Variants in SANBR observed in about 807,000 individuals in gnomAD.
The protein encoded by SANBR is SANT and BTB domain regulator of class switch recombination.
Under a neutral mutation model 101.8 loss-of-function variants are expected in SANBR, and 77 were observed. That is an observed-to-expected ratio of 0.76 (90% CI 0.63 to 0.91). The LOEUF is 0.91. SANBR is among the 40% of genes least tolerant of loss of function. The probability of loss-of-function intolerance (pLI) is 0.00; values close to 1 mark genes in which losing one functional copy is unlikely to be tolerated. For missense variants in SANBR, 875 were observed against 853.0 expected (o/e 1.03, Z -0.32); for synonymous variants, 279 against 274.7 (o/e 1.02, Z -0.15).
chr2:61,109,407 C>A, intron 16 of SANBR, 111 bp downstream of exon 16: 4 of 513,326 alleles, frequency 7.8e-6, no homozygotes, highest in South Asian at 5.7e-5. Flanking sequence ...TAGGTTGCAA[C>A]ATAGAAAAAA....
At chr2:61,110,341 C>T (rs552976259) in intron 16 of SANBR, among the ~76,000 whole-genome samples, 1 of 152,096 alleles carries the variant, frequency 6.6e-6, no homozygotes, top group African/African-American at 2.4e-5. Flanking sequence ...GTCAGGAGTT[C>T]GAGAGCAGCC....
At chr2:61,113,764 G>A (rs1276749904) in intron 16 of SANBR, among the ~76,000 whole-genome samples, 3 of 152,084 alleles carry the variant, frequency 2.0e-5, no homozygotes, top group Non-Finnish European at 2.9e-5. Flanking sequence ...CTTTTGTGCT[G>A]GTTAGGACCT....
At chr2:61,068,315 AC>A (rs1244400198) in intron 1 of SANBR, among the ~76,000 whole-genome samples, 1 of 152,216 alleles carries the variant, frequency 6.6e-6, no homozygotes, top group African/African-American at 2.4e-5. Flanking sequence ...TCTTTAAAAA[AC>A]AATGAAGTTC....
chr2:61,117,163 AC>A (rs1486284681), intron 17 of SANBR, 193 bp from the exon 18 acceptor site: 1 of 578,286 alleles, frequency 1.7e-6, no homozygotes, highest in Non-Finnish European at 3.1e-6. Flanking sequence ...ACTTCTCTGA[AC>A]CTGTTTTATT....
intron 2 of SANBR, among the ~76,000 whole-genome samples, 189 bp from the exon 3 acceptor site, chr2:61,070,153 C>G (rs569139799): frequency 6.6e-6 from 1 of 152,256 alleles, no homozygotes; most frequent in Non-Finnish European, 1.5e-5. Flanking sequence ...ATCCATTTAT[C>G]AATGCATAAT....
At chr2:61,136,361 G>A (rs1454701011) in intron 21 of SANBR, among the ~76,000 whole-genome samples, 1 of 151,694 alleles carries the variant, frequency 6.6e-6, no homozygotes, top group Non-Finnish European at 1.5e-5. Context: ...GCAGCCAAGC[G>A]CAGTGGCTCA....
At chr2:61,076,613 G>A (rs1228534898) in intron 5 of SANBR, among the ~76,000 whole-genome samples, 3 of 146,268 alleles carry the variant, frequency 2.1e-5, no homozygotes, top group Non-Finnish European at 3.0e-5. Context: ...GGGTGACAGA[G>A]AGAGACTCCG....
chr2:61,087,100 C>T lies in SANBR; in HGVS notation c.891-1059C>T, dbSNP rs1682474990. ...TACTCTTTAAAAACATCACTTAACC[C>T]TCATAAAACTTTATGAGATTGGACA... On this transcript the variant is annotated intron_variant, in intron 8 of 21. Coordinates refer to ENST00000402291, the MANE Select transcript of SANBR (RefSeq NM_001129993.3). Among the ~76,000 whole-genome samples, 3 of 152,072 alleles carry T rather than the reference C, an allele frequency of 2.0e-5. No homozygotes were observed. The South Asian group carries it at 6.2e-4, about 31-fold the overall frequency.
chr2:61,094,190 T>C (rs1336990881), intron 11 of SANBR: 1 of 363,856 alleles, frequency 2.7e-6, no homozygotes, highest in Non-Finnish European at 3.8e-6. Context: ...GTTTCGACAG[T>C]GCTTACAATT....
At chr2:61,107,190 A>C (rs1683614734) in intron 14 of SANBR, among the ~76,000 whole-genome samples, 1 of 151,898 alleles carries the variant, frequency 6.6e-6, no homozygotes, top group Admixed American at 6.6e-5. Flanking sequence ...AGAAAAACCC[A>C]AAACATAACA....
intron 20 of SANBR, among the ~76,000 whole-genome samples, chr2:61,131,767 T>G (rs989960032): frequency 6.6e-6 from 1 of 152,208 alleles, no homozygotes; most frequent in Non-Finnish European, 1.5e-5. Flanking sequence ...TTAGAAGATT[T>G]ACACTTTCCC....
At chr2:61,073,609 A>G in intron 5 of SANBR, 58 bp downstream of exon 5, 2 of 957,572 alleles carry the variant, frequency 2.1e-6, no homozygotes, top group South Asian at 1.6e-5. Context: ...TTCATAAAAT[A>G]TATGATTGGT....
chr2:61,128,124 T>G (rs188796207), downstream of SANBR, among the ~76,000 whole-genome samples: 347 of 151,902 alleles, frequency 2.3e-3, 1 homozygote, highest in East Asian at 0.019. Context: ...TACAAAAAAT[T>G]AGCCGGGCAT....
In SANBR at chr2:61,120,463, G is replaced by A. The variant is rs1684281028; in HGVS notation, c.2029-722G>A. ...TGCAGTGAGCCAAGATCGTGCCACT[G>A]CACTCTAGCCTGGGCAACACAGAGC... On this transcript the variant is annotated intron_variant, in intron 20 of 21. Coordinates refer to ENST00000402291, the MANE Select transcript of SANBR (RefSeq NM_001129993.3). Among the ~76,000 whole-genome samples the A allele has an allele frequency of 2.0e-5, 3 of 152,192 alleles. No homozygotes were observed. The South Asian group carries it at 6.2e-4, about 31-fold the overall frequency.
chr2:61,103,701 A>G, intron 12 of SANBR, 152 bp from the exon 13 acceptor site: 1 of 659,744 alleles, frequency 1.5e-6, no homozygotes, highest in African/African-American at 1.8e-5. Flanking sequence ...TTATGATTGA[A>G]TCTCTTTTCT....
At position 61,123,114 on chromosome 2, in the gene SANBR, T is replaced by A. The variant is rs953220302; in HGVS notation, c.*952T>A. On this transcript the variant is annotated 3_prime_UTR_variant, in exon 22 of 22. Coordinates refer to ENST00000402291, the MANE Select transcript of SANBR (RefSeq NM_001129993.3). Reference sequence around the variant, plus strand: ...TAAAATTCTATTTTATAAATCATGTTTAAATTTTTCTAGCCAGGCAGAAAG... The same window carrying A: ...TAAAATTCTATTTTATAAATCATGTATAAATTTTTCTAGCCAGGCAGAAAG... 1.0e-6 allele frequency: 1 copy of A among 974,824 alleles called. No individual in the cohort carries two copies. Among genetic ancestry groups the A allele is most frequent in the Non-Finnish European group, 1.2e-6 (1 of 820,232 alleles). 60.4% of individuals were successfully genotyped at this position (974,824 alleles called of 1,614,324 possible). A position where few individuals can be genotyped will look rare whatever the true frequency, so the allele number is the denominator to read the frequency against.
At chr2:61,119,379 T>G (rs1684230011) in intron 20 of SANBR, among the ~76,000 whole-genome samples, 1 of 152,192 alleles carries the variant, frequency 6.6e-6, no homozygotes, top group African/African-American at 2.4e-5. Context: ...AAATTGGACT[T>G]CATCAGCATT....
chr2:61,098,625 C>G (rs1347717861), intron 12 of SANBR, among the ~76,000 whole-genome samples: 1 of 152,096 alleles, frequency 6.6e-6, no homozygotes, highest in Middle Eastern at 3.2e-3. Flanking sequence ...AGTGAATATC[C>G]TTGCACATAT....
At chr2:61,120,001 G>A (rs957045958) in intron 20 of SANBR, among the ~76,000 whole-genome samples, 1 of 152,084 alleles carries the variant, frequency 6.6e-6, no homozygotes, top group African/African-American at 2.4e-5. Flanking sequence ...TGAGGATGTG[G>A]AGCAACTGGA....
Sources: gnomAD v4.1 joint callset for allele counts (sites outside exome capture counted in the v4.1 genomes callset) on GRCh38, gnomAD v4.1.1 for gene constraint, MANE v1.5 for transcripts, NCBI Gene and HGNC (gene_info 2026-07-23, HGNC 2026-07-21) for gene names.